UBA6: variants seen among roughly 807,000 people sequenced by gnomAD.
UBA6 encodes the protein ubiquitin like modifier activating enzyme 6.
A neutral mutation model predicts 148.3 loss-of-function variants in UBA6; 87 were observed. That is an observed-to-expected ratio of 0.59 (90% CI 0.49 to 0.70). The LOEUF (loss-of-function observed/expected upper bound fraction) is 0.70, where lower values mean the gene tolerates loss of function less well. Among genes scored for constraint, UBA6 ranks in the 30% least tolerant of loss-of-function variants. The probability of loss-of-function intolerance (pLI) is 0.00; values close to 1 mark genes in which losing one functional copy is unlikely to be tolerated. For missense variants in UBA6, 1,186 were observed against 1,241.2 expected (o/e 0.96, Z 0.67); for synonymous variants, 376 against 401.0 (o/e 0.94, Z 0.75).
chr4:67,636,969 A>G (rs1353558381), intron 19 of UBA6, among the ~76,000 whole-genome samples: 1 of 141,018 alleles, frequency 7.1e-6, no homozygotes, highest in South Asian at 2.3e-4. Context: ...CCAGCAGCCC[A>G]TTGTCTGAGA....
chr4:67,639,046 C>G lies in UBA6; in HGVS notation c.1633G>C (p.Val545Leu). Residue 545 changes from valine to leucine, a missense_variant, in exon 19 of 33, where the codon GTA becomes CTA. Physicochemically the swap from Val to Leu is conservative, Grantham distance 32 (BLOSUM62 1). Transcript: ENST00000322244. ...QIKIDAHLNK[V>L]CPTTETIYND... is the part of the protein sequence containing the mutation. ...TAAATGGTCTCAGTGGTTGGACATA[C>G]TTTGTTCAGGTGTGCATCTATCTTT... The G allele has an allele frequency of 1.2e-6, 2 of 1,613,278 alleles. No homozygotes were observed. The highest frequency in any genetic ancestry group is 2.2e-5 in the South Asian group (2 of 91,054).
rs1728569951 is a variant in UBA6 at position 67,613,233 on chromosome 4, G to T, written c.*5764C>A. The stretch of plus-strand genomic sequence containing the variant: ...GCCAGAAGCAAAAAACTCTGTGGAG[G>T]ATAAAAATATCATTCTGAGCATCAA... On this transcript the variant is annotated 3_prime_UTR_variant, in exon 33 of 33. Coordinates refer to ENST00000322244, the MANE Select transcript of UBA6 (RefSeq NM_018227.6). The T allele has an allele frequency of 6.6e-6, 1 of 152,046 alleles. No homozygotes were observed. Among genetic ancestry groups the T allele is most frequent in the South Asian group, 2.1e-4 (1 of 4,818 alleles). 9.4% of individuals were successfully genotyped at this position (152,046 alleles called of 1,614,324 possible). A position where few individuals can be genotyped will look rare whatever the true frequency, so the allele number is the denominator to read the frequency against.
At chr4:67,698,509 A>G (rs935276584) in intron 1 of UBA6, among the ~76,000 whole-genome samples, 1 of 152,216 alleles carries the variant, frequency 6.6e-6, no homozygotes, top group African/African-American at 2.4e-5. Context: ...GAACAGATGG[A>G]AAAAAGAGGC....
intron 20 of UBA6, 127 bp downstream of exon 20, chr4:67,635,326 A>C (rs758340793): frequency 7.3e-6 from 4 of 545,870 alleles, no homozygotes; most frequent in Non-Finnish European, 1.3e-5. Flanking sequence ...ATGTACATGC[A>C]CATATGTATG....
At chr4:67,698,766 C>G (rs1267729360) in intron 1 of UBA6, among the ~76,000 whole-genome samples, 1 of 152,166 alleles carries the variant, frequency 6.6e-6, no homozygotes, top group Non-Finnish European at 1.5e-5. Flanking sequence ...TCGAGACCAG[C>G]CTGACCAACG....
intron 8 of UBA6, among the ~76,000 whole-genome samples, chr4:67,669,996 T>C (rs779693471): frequency 6.6e-6 from 1 of 152,242 alleles, no homozygotes; most frequent in Non-Finnish European, 1.5e-5. Context: ...TCACCCAGGC[T>C]GGAGTGCAGT....
At chr4:67,689,634 C>T (rs900939222) in intron 2 of UBA6, among the ~76,000 whole-genome samples, 2 of 152,052 alleles carry the variant, frequency 1.3e-5, no homozygotes, top group African/African-American at 4.8e-5. Flanking sequence ...GAATGTGGTA[C>T]CTGGCCAGTA....
chr4:67,643,965 CAT>C (rs546657988), intron 17 of UBA6, among the ~76,000 whole-genome samples: 268 of 152,110 alleles, frequency 1.8e-3, no homozygotes, highest in Middle Eastern at 3.4e-3. Flanking sequence ...TTAATATAAA[CAT>C]AGAACATCTG....
At chr4:67,632,168 A>G (rs1325509197) in intron 23 of UBA6, among the ~76,000 whole-genome samples, 1 of 152,214 alleles carries the variant, frequency 6.6e-6, no homozygotes, top group Non-Finnish European at 1.5e-5. Flanking sequence ...TGGTATCTAC[A>G]GCAAACAAAT....
intron 1 of UBA6, among the ~76,000 whole-genome samples, chr4:67,700,591 T>C (rs573380530): frequency 6.6e-6 from 1 of 152,022 alleles, no homozygotes; most frequent in East Asian, 1.9e-4. Flanking sequence ...TTGCTACTGA[T>C]TCATTCTTAC....
chr4:67,680,113 T>C (rs1164816629), intron 4 of UBA6, among the ~76,000 whole-genome samples: 1 of 152,230 alleles, frequency 6.6e-6, no homozygotes, highest in East Asian at 1.9e-4. Context: ...AAAAATGTAG[T>C]ATTTATCCTG....
At chr4:67,623,283 C>A in intron 30 of UBA6, 61 bp from the exon 31 acceptor site, 2 of 1,297,848 alleles carry the variant, frequency 1.5e-6, no homozygotes, top group Admixed American at 1.9e-5. Flanking sequence ...AGTGATGACA[C>A]ACACACAAAA....
Position 67,681,611 on chromosome 4 carries a change from A to G in UBA6, c.230-20T>C. ...TCTTTGCTAGAAAGGCAAAAGAAAA[A>G]GGAATAGCTCAATATTGGGAATACA... On this transcript the variant is annotated intron_variant, in intron 3 of 32. Coordinates refer to ENST00000322244, the MANE Select transcript of UBA6 (RefSeq NM_018227.6). 3.2e-6 allele frequency: 5 copies of G among 1,565,208 alleles called. No individual in the cohort carries two copies. The highest frequency in any genetic ancestry group is 3.9e-5 in the Admixed American group (2 of 51,114).
chr4:67,628,425 C>T (rs1361936760), intron 27 of UBA6, among the ~76,000 whole-genome samples: 2 of 151,752 alleles, frequency 1.3e-5, no homozygotes, highest in Non-Finnish European at 3.0e-5. Flanking sequence ...GCCTACATTG[C>T]TCTTTCACTA....
Position 67,614,024 on chromosome 4 carries a change from A to G in UBA6, c.*4973T>C, listed in dbSNP as rs1033507334. On this transcript the variant is annotated 3_prime_UTR_variant, in exon 33 of 33. Coordinates refer to ENST00000322244, the MANE Select transcript of UBA6 (RefSeq NM_018227.6). Reference sequence around the variant, plus strand: ...GGAGATAATCAACTAAGACCCAGGCATCCTTTTAGGTCCAATAAGAAACAC... The same window carrying G: ...GGAGATAATCAACTAAGACCCAGGCGTCCTTTTAGGTCCAATAAGAAACAC... 2.0e-5 allele frequency: 3 copies of G among 151,868 alleles called. No homozygotes were observed. The highest frequency in any genetic ancestry group is 4.4e-5 in the Non-Finnish European group (3 of 67,978). 9.4% of individuals were successfully genotyped at this position (151,868 alleles called of 1,614,324 possible).
intron 13 of UBA6, among the ~76,000 whole-genome samples, chr4:67,656,325 A>T (rs1729691017): frequency 6.6e-6 from 1 of 152,238 alleles, no homozygotes; most frequent in South Asian, 2.1e-4. Context: ...CAAAAAGCTT[A>T]TCCAACATGA....
chr4:67,689,510 C>T (rs1730646469), intron 2 of UBA6, among the ~76,000 whole-genome samples: 1 of 152,046 alleles, frequency 6.6e-6, no homozygotes, highest in East Asian at 1.9e-4. Flanking sequence ...TGCCCCAATT[C>T]CTGAGAAAAG....
At chr4:67,621,846 C>A (rs1190220036) in intron 32 of UBA6, among the ~76,000 whole-genome samples, 3 of 152,010 alleles carry the variant, frequency 2.0e-5, no homozygotes, top group Non-Finnish European at 4.4e-5. Context: ...TACACAGCAG[C>A]ACAGCAGTCA....
chr4:67,650,828 G>A (rs1186571999), intron 13 of UBA6, among the ~76,000 whole-genome samples: 4 of 152,116 alleles, frequency 2.6e-5, no homozygotes, highest in Non-Finnish European at 4.4e-5. Flanking sequence ...AGCTGTCAAA[G>A]AATGTCATCC....
Sources: gnomAD v4.1 joint callset for allele counts (sites outside exome capture counted in the v4.1 genomes callset) on GRCh38, gnomAD v4.1.1 for gene constraint, MANE v1.5 for transcripts, NCBI Gene and HGNC (gene_info 2026-07-23, HGNC 2026-07-21) for gene names.